Variants in MAPRE2 observed in about 807,000 individuals in gnomAD.
The protein encoded by MAPRE2 is microtubule associated protein RP/EB family member 2.
In MAPRE2, 13 loss-of-function variants were observed where a neutral mutation model predicts 43.2. That is an observed-to-expected ratio of 0.30 (90% CI 0.20 to 0.48). The LOEUF (loss-of-function observed/expected upper bound fraction) is 0.48, where lower values mean the gene tolerates loss of function less well. Ranked by LOEUF, MAPRE2 falls within the 20% of genes least tolerant of loss-of-function variation. The probability of loss-of-function intolerance (pLI) is 0.99; values close to 1 mark genes in which losing one functional copy is unlikely to be tolerated. For synonymous variants in MAPRE2, 135 were observed against 148.8 expected, an observed-to-expected ratio of 0.91 and a Z score of 0.68; for missense variants, 161 against 400.2, an observed-to-expected ratio of 0.40 and a Z score of 5.10.
upstream of MAPRE2, chr18:35,041,233 G>A: frequency 9.5e-7 from 1 of 1,048,600 alleles, no homozygotes; most frequent in Admixed American, 3.5e-5. Context: ...CTGCCCCGGT[G>A]CCTGCCTGGA....
intron 1 of MAPRE2, among the ~76,000 whole-genome samples, chr18:34,991,543 G>A (rs901053596): frequency 3.0e-4 from 45 of 152,256 alleles, no homozygotes; most frequent in African/African-American, 9.9e-4. Flanking sequence ...TCCAGAATGC[G>A]TGGCCTTTTT....
At chr18:35,136,213 G>A (rs1910385991) in intron 6 of MAPRE2, among the ~76,000 whole-genome samples, 2 of 152,170 alleles carry the variant, frequency 1.3e-5, no homozygotes, top group Non-Finnish European at 2.9e-5. Context: ...GTAACTTGGA[G>A]CCACAGGAGT....
chr18:35,063,264 T>G (rs747102941), intron 1 of MAPRE2, among the ~76,000 whole-genome samples: 1 of 152,042 alleles, frequency 6.6e-6, no homozygotes, highest in Non-Finnish European at 1.5e-5. Flanking sequence ...CCACCACGCC[T>G]GGCTAATTTT....
At chr18:35,058,369 G>T (rs2150611704) in intron 1 of MAPRE2, among the ~76,000 whole-genome samples, 1 of 152,108 alleles carries the variant, frequency 6.6e-6, no homozygotes, top group Non-Finnish European at 1.5e-5. Context: ...CTTTGGATAG[G>T]CACCAATCTC....
intron 1 of MAPRE2, among the ~76,000 whole-genome samples, chr18:34,985,319 TA>T (rs1568961591): frequency 1.8e-4 from 8 of 43,886 alleles, no homozygotes; most frequent in African/African-American, 7.8e-4. Context: ...TATTATATTA[TA>T]TATATAATAT....
upstream of MAPRE2, among the ~76,000 whole-genome samples, chr18:35,037,393 G>A (rs996536641): frequency 1.3e-5 from 2 of 152,124 alleles, no homozygotes; most frequent in Non-Finnish European, 2.9e-5. Flanking sequence ...CTACTTTATC[G>A]ATGAGGAAAC....
At chr18:35,050,642 A>G (rs1398279985) in intron 1 of MAPRE2, among the ~76,000 whole-genome samples, 2 of 152,134 alleles carry the variant, frequency 1.3e-5, no homozygotes, top group East Asian at 1.9e-4. Flanking sequence ...AGCTCCTGCC[A>G]TTTATCAAGT....
intron 2 of MAPRE2, among the ~76,000 whole-genome samples, chr18:35,080,953 A>G (rs1038402449): frequency 1.3e-5 from 2 of 152,208 alleles, no homozygotes; most frequent in African/African-American, 4.8e-5. Context: ...ATTATTTGAC[A>G]TGAGAAGCAT....
chr18:35,098,686 T>C (rs1908537144), intron 3 of MAPRE2, among the ~76,000 whole-genome samples: 1 of 152,232 alleles, frequency 6.6e-6, no homozygotes, highest in African/African-American at 2.4e-5. Flanking sequence ...TCCTTACTTT[T>C]ATAATACCTC....
chr18:35,122,206 G>A (rs1039952886), intron 4 of MAPRE2, among the ~76,000 whole-genome samples: 2 of 152,156 alleles, frequency 1.3e-5, no homozygotes, highest in African/African-American at 4.8e-5. Context: ...TTAATCATGT[G>A]ACAGCTGTGA....
At chr18:35,120,663 C>G (rs1051540048) in intron 4 of MAPRE2, among the ~76,000 whole-genome samples, 1 of 152,154 alleles carries the variant, frequency 6.6e-6, no homozygotes, top group Non-Finnish European at 1.5e-5. Flanking sequence ...AGGAAGTCCT[C>G]TTCCTATGGA....
chr18:35,099,734 A>G (rs1435502009), intron 3 of MAPRE2, among the ~76,000 whole-genome samples: 1 of 152,238 alleles, frequency 6.6e-6, no homozygotes, highest in Non-Finnish European at 1.5e-5. Flanking sequence ...TATCACCACC[A>G]AAGTCTATTA....
chr18:35,094,661 A>G (rs1908319336), intron 2 of MAPRE2, among the ~76,000 whole-genome samples: 1 of 152,184 alleles, frequency 6.6e-6, no homozygotes, highest in Non-Finnish European at 1.5e-5. Flanking sequence ...AATCTATAGG[A>G]AAAATGTTGG....
At chr18:34,982,537 T>C (rs377139695) in intron 1 of MAPRE2, among the ~76,000 whole-genome samples, 1 of 152,332 alleles carries the variant, frequency 6.6e-6, no homozygotes, top group South Asian at 2.1e-4. Flanking sequence ...TTATACTCTT[T>C]AATCTGAGAT....
Position 35,140,768 on chromosome 18 carries a change from G to T in MAPRE2, c.*399G>T. On this transcript the variant is annotated 3_prime_UTR_variant, in exon 7 of 7. Transcript: ENST00000300249. ...ATTTATATTGGCATTTTTCAACCCA[G>T]TGTCACTAGATGTCACACACATTTG... 1 of 175,630 alleles carries T rather than the reference G, an allele frequency of 5.7e-6. No individual in the cohort carries two copies. Among genetic ancestry groups the T allele is most frequent in the South Asian group, 1.8e-4 (1 of 5,576 alleles). The allele number at this position is 175,630 out of a possible 1,614,324, so 10.9% of individuals were successfully genotyped here.
intron 2 of MAPRE2, among the ~76,000 whole-genome samples, chr18:35,090,976 A>C (rs1210899086): frequency 6.6e-6 from 1 of 152,188 alleles, no homozygotes; most frequent in African/African-American, 2.4e-5. Flanking sequence ...TACCAAAAAA[A>C]TGAGACACCT....
At chr18:35,054,467 G>A (rs1453846301) in intron 1 of MAPRE2, among the ~76,000 whole-genome samples, 4 of 152,186 alleles carry the variant, frequency 2.6e-5, no homozygotes, top group African/African-American at 9.7e-5. Context: ...AAAAGGTTCA[G>A]GCCGAATTTC....
chr18:35,099,663 G>A (rs779691043), intron 3 of MAPRE2, among the ~76,000 whole-genome samples: 3 of 152,134 alleles, frequency 2.0e-5, no homozygotes, highest in Non-Finnish European at 4.4e-5. Flanking sequence ...CATGTGGCAG[G>A]AATTCTTCCT....
chr18:35,088,168 A>G (rs777113921), intron 2 of MAPRE2, among the ~76,000 whole-genome samples: 44 of 152,234 alleles, frequency 2.9e-4, no homozygotes, highest in Non-Finnish European at 4.7e-4. Context: ...TACAATGCCA[A>G]CATAAGAGTT....
Sources: gnomAD v4.1 joint callset for allele counts (sites outside exome capture counted in the v4.1 genomes callset) on GRCh38, gnomAD v4.1.1 for gene constraint, MANE v1.5 for transcripts, NCBI Gene and HGNC (gene_info 2026-07-23, HGNC 2026-07-21) for gene names.